FER: variants seen among roughly 807,000 people sequenced by gnomAD.
FER encodes the protein FER tyrosine kinase, also known as tyrosine-protein kinase Fer.
A neutral mutation model predicts 111.0 loss-of-function variants in FER; 63 were observed. That is an observed-to-expected ratio of 0.57 (90% confidence interval 0.46 to 0.70). The LOEUF (loss-of-function observed/expected upper bound fraction) is 0.70, where lower values mean the gene tolerates loss of function less well. FER is among the 30% of genes least tolerant of loss of function. The pLI is 0.00. For missense variants in FER, 914 were observed against 954.0 expected (o/e 0.96, Z 0.55); for synonymous variants, 327 against 313.9 (o/e 1.04, Z -0.44).
rs1016073819 is a variant in FER at position 109,145,101 on chromosome 5, G to T, written c.2049-35646G>T. On this transcript the variant is annotated intron_variant, in intron 17 of 19. Transcript: ENST00000281092. ...GTTTCAAATTAAGAGTTATGCCTTT[G>T]TGTTAATAATGCATGGCAAACTCAG... Among the ~76,000 whole-genome samples, 15 of 151,502 alleles carry T rather than the reference G, an allele frequency of 9.9e-5. No homozygotes were observed. The East Asian group carries it at 2.9e-3, about 29-fold the overall frequency.
At chr5:108,805,481 C>A (rs1004198484) in intron 3 of FER, among the ~76,000 whole-genome samples, 3 of 152,074 alleles carry the variant, frequency 2.0e-5, no homozygotes, top group Admixed American at 6.6e-5. Flanking sequence ...GGGTAACAGG[C>A]AGAGGTTGGA....
At chr5:108,973,803 A>G (rs1377907077) in intron 13 of FER, among the ~76,000 whole-genome samples, 1 of 152,152 alleles carries the variant, frequency 6.6e-6, no homozygotes, top group Non-Finnish European at 1.5e-5. Flanking sequence ...ACTTTCTAGT[A>G]ATGCTGTATT....
intron 10 of FER, among the ~76,000 whole-genome samples, chr5:108,938,024 TCTCACACACACACA>T (rs1332620486): frequency 7.7e-5 from 6 of 77,946 alleles, no homozygotes; most frequent in African/African-American, 2.8e-4. Flanking sequence ...CCTATCTCTC[TCTCACACACACACA>T]CACACACACA....
At chr5:109,052,145 T>G in intron 16 of FER, 1 of 1,606,312 alleles carries the variant, frequency 6.2e-7, no homozygotes. Context: ...TTGTTCAGTT[T>G]CTCTTCCTTT....
At chr5:109,096,441 A>G (rs913558384) in intron 16 of FER, among the ~76,000 whole-genome samples, 5 of 151,982 alleles carry the variant, frequency 3.3e-5, no homozygotes, top group African/African-American at 1.2e-4. Flanking sequence ...TACAGGCAGT[A>G]TGTAATTTGG....
At position 109,172,722 on chromosome 5, in the gene FER, C is replaced by T. The variant is rs553430883; in HGVS notation, c.2049-8025C>T. ...ACTTAAATGTTTTTAATCTGTACCCCCACCAAGTTCCTTTAGACCAGAATC... is the reference window on the plus strand; with the variant it reads ...ACTTAAATGTTTTTAATCTGTACCCTCACCAAGTTCCTTTAGACCAGAATC... On this transcript the variant is annotated intron_variant, in intron 17 of 19. Transcript: ENST00000281092. 1.1e-4 allele frequency among the ~76,000 whole-genome samples: 16 copies of T among 152,000 alleles called. No homozygotes were observed. The South Asian group carries it at 3.3e-3, about 32-fold the overall frequency.
At chr5:108,950,405 A>G (rs1757559695) in intron 11 of FER, among the ~76,000 whole-genome samples, 1 of 152,216 alleles carries the variant, frequency 6.6e-6, no homozygotes, top group Non-Finnish European at 1.5e-5. Flanking sequence ...TAGTTTCATT[A>G]TAGAATGTAA....
rs1368397978 is a variant in FER, at chr5:109,194,513, A to G, written c.*6938A>G. Reference sequence around the variant, plus strand: ...GTAAATAGTATCCAAAGCAGATTCTAAAATGACATAGTAAGAAGCCAGATT... The same window carrying G: ...GTAAATAGTATCCAAAGCAGATTCTGAAATGACATAGTAAGAAGCCAGATT... On this transcript the variant is annotated 3_prime_UTR_variant, in exon 20 of 20. Transcript: ENST00000281092. The G allele has an allele frequency of 2.6e-5, 4 of 152,224 alleles. No homozygotes were observed. The South Asian group carries it at 8.3e-4, about 31-fold the overall frequency. The allele number at this position is 152,224 out of a possible 1,614,324, so 9.4% of individuals were successfully genotyped here. A position where few individuals can be genotyped will look rare whatever the true frequency, so the allele number is the denominator to read the frequency against.
At chr5:108,781,811 G>C (rs369787027) in intron 2 of FER, among the ~76,000 whole-genome samples, 31 of 152,192 alleles carry the variant, frequency 2.0e-4, no homozygotes, top group African/African-American at 6.5e-4. Flanking sequence ...AACCCCAGCA[G>C]GCTCTGACTA....
At chr5:108,884,240 T>A (rs981954221) in intron 9 of FER, among the ~76,000 whole-genome samples, 2 of 152,018 alleles carry the variant, frequency 1.3e-5, no homozygotes, top group African/African-American at 4.8e-5. Context: ...TCTCAAGGAA[T>A]TTGTGATATA....
rs190558109 is a variant in FER at position 109,124,980 on chromosome 5, A to T, written c.2048+24461A>T. Among the ~76,000 whole-genome samples, 463 of 146,834 alleles carry T rather than the reference A, an allele frequency of 3.2e-3. 4 individuals are homozygous for T. Among genetic ancestry groups the T allele is most frequent in the African/African-American group, 0.011 (440 of 39,714 alleles). ...AGAATGGCGTGAACCCAGGAGGCAG[A>T]GCTTGCAGTGAGCCGAGATTGCACC... On this transcript the variant is annotated intron_variant, in intron 17 of 19. Transcript: ENST00000281092.
rs572216963 is a variant in FER at position 108,774,828 on chromosome 5, C to T, written c.-60+6590C>T. Reference sequence around the variant, plus strand: ...CATGGGTAGATTGCAAAAATTTTCTCCCATTCTGTAGGTTGCCTGTTCACT... The same window carrying T: ...CATGGGTAGATTGCAAAAATTTTCTTCCATTCTGTAGGTTGCCTGTTCACT... On this transcript the variant is annotated intron_variant, in intron 2 of 19. Transcript: ENST00000281092. Among the ~76,000 whole-genome samples the T allele has an allele frequency of 9.4e-4, 143 of 151,930 alleles. 1 individual carries two copies. The highest frequency in any genetic ancestry group is 3.1e-3 in the African/African-American group (127 of 41,444).
chr5:109,147,273 A>C (rs930216948), intron 17 of FER, among the ~76,000 whole-genome samples: 2 of 152,124 alleles, frequency 1.3e-5, no homozygotes, highest in East Asian at 1.9e-4. Context: ...ATTTAAAAGA[A>C]TGCTATGAAT....
intron 13 of FER, among the ~76,000 whole-genome samples, chr5:109,020,616 A>T (rs1767795133): frequency 6.6e-6 from 1 of 152,014 alleles, no homozygotes; most frequent in African/African-American, 2.4e-5. Context: ...AGAGAAATTG[A>T]TGGATGACAA....
At chr5:108,815,035 C>T (rs530801656) in intron 3 of FER, among the ~76,000 whole-genome samples, 68 of 152,212 alleles carry the variant, frequency 4.5e-4, no homozygotes, top group African/African-American at 1.6e-3. Context: ...TTGAATGTTG[C>T]TTTCTACATT....
rs915185763 is a variant in FER, at chr5:109,188,671, G to A, written c.*1096G>A. The A allele has an allele frequency of 2.0e-5, 3 of 151,930 alleles. No homozygotes were observed. Among genetic ancestry groups the A allele is most frequent in the African/African-American group, 4.8e-5 (2 of 41,364 alleles). The allele number at this position is 151,930 out of a possible 1,614,324, so 9.4% of individuals were successfully genotyped here. Reference sequence around the variant, plus strand: ...ATAATAATACATATTCTATTTTATGGTCTGAATTTACCAGAAAGGTCCTAA... The same window carrying A: ...ATAATAATACATATTCTATTTTATGATCTGAATTTACCAGAAAGGTCCTAA... On this transcript the variant is annotated 3_prime_UTR_variant, in exon 20 of 20. Transcript: ENST00000281092.
chr5:109,129,136 A>G (rs1229941805), intron 17 of FER, among the ~76,000 whole-genome samples: 2 of 152,044 alleles, frequency 1.3e-5, no homozygotes, highest in African/African-American at 4.8e-5. Context: ...TTATGTAACT[A>G]TTGGTGGTAG....
chr5:109,158,395 A>G (rs9326763), intron 17 of FER, among the ~76,000 whole-genome samples: 1 of 151,652 alleles, frequency 6.6e-6, no homozygotes, highest in Non-Finnish European at 1.5e-5. Flanking sequence ...AGAGTGAGAC[A>G]CTGTCTCAAA....
chr5:108,835,535 T>C (rs1396614649), intron 4 of FER, among the ~76,000 whole-genome samples, 173 bp from the exon 5 acceptor site: 4 of 152,200 alleles, frequency 2.6e-5, no homozygotes, highest in African/African-American at 9.6e-5. Context: ...CTATTGAATT[T>C]AGTACTGATT....
Sources: allele counts gnomAD v4.1 joint callset (sites outside exome capture counted in the v4.1 genomes callset), GRCh38; gene constraint gnomAD v4.1.1; transcripts MANE v1.5; gene names NCBI Gene and HGNC (gene_info 2026-07-23, HGNC 2026-07-21).